THSD7A: variants seen among roughly 807,000 people sequenced by gnomAD.
The protein encoded by THSD7A is thrombospondin type 1 domain containing 7A, also known as thrombospondin type-1 domain-containing protein 7A.
A neutral mutation model predicts 231.3 loss-of-function variants in THSD7A; 96 were observed. The ratio of observed to expected loss-of-function variants is 0.41; its 90% CI spans 0.35 to 0.49. The LOEUF is 0.49. THSD7A is among the 20% of genes least tolerant of loss of function. The pLI is 0.05. For synonymous variants in THSD7A, 940 were observed against 743.3 expected, an observed-to-expected ratio of 1.26 and a Z score of -4.30; for missense variants, 2,290 against 2,070.2, an observed-to-expected ratio of 1.11 and a Z score of -2.06.
intron 1 of THSD7A, among the ~76,000 whole-genome samples, chr7:11,772,461 T>A (rs976957124): frequency 6.6e-6 from 1 of 152,004 alleles, no homozygotes; most frequent in African/African-American, 2.4e-5. Flanking sequence ...AACAAAGACA[T>A]GGAATCAATC....
chr7:11,567,053 C>T (rs1790373378), intron 4 of THSD7A, among the ~76,000 whole-genome samples: 1 of 147,000 alleles, frequency 6.8e-6, no homozygotes, highest in Non-Finnish European at 1.5e-5. Flanking sequence ...TTAAGTATCT[C>T]CCTCCAGTCC....
Position 11,650,295 on chromosome 7 carries a change from C to T in THSD7A, c.191-13334G>A, listed in dbSNP as rs117898353. ...TTGAACAGGAATATAATGTGGACAA[C>T]GTCTCCTGCATCTTCTGAATCTTTG... On this transcript the variant is annotated intron_variant, in intron 1 of 27. Transcript: ENST00000423059. Among the ~76,000 whole-genome samples the T allele has an allele frequency of 4.7e-3, 708 of 152,096 alleles. 5 individuals are homozygous for T. The highest frequency in any genetic ancestry group is 0.027 in the Middle Eastern group (8 of 294).
chr7:11,533,030 A>C (rs1788767741), intron 6 of THSD7A, among the ~76,000 whole-genome samples: 1 of 152,176 alleles, frequency 6.6e-6, no homozygotes, highest in South Asian at 2.1e-4. Context: ...CTCCCACAGC[A>C]GACTCACATG....
At chr7:11,647,317 C>T (rs1360615590) in intron 1 of THSD7A, among the ~76,000 whole-genome samples, 1 of 151,992 alleles carries the variant, frequency 6.6e-6, no homozygotes, top group African/African-American at 2.4e-5. Flanking sequence ...TGAAGTGACT[C>T]AGGGGAACGA....
rs73292623 is a variant in THSD7A, at chr7:11,639,754, C to T, written c.191-2793G>A. ...ATGTTTTATTATAGAAATCTGAGTACACAAAATGTGAATTGACTTCAAGTC... is the reference window on the plus strand; with the variant it reads ...ATGTTTTATTATAGAAATCTGAGTATACAAAATGTGAATTGACTTCAAGTC... On this transcript the variant is annotated intron_variant, in intron 1 of 27. Coordinates refer to ENST00000423059, the MANE Select transcript of THSD7A (RefSeq NM_015204.3). Among the ~76,000 whole-genome samples, 152 of 152,212 alleles carry T rather than the reference C, an allele frequency of 1.0e-3. 1 individual carries two copies. Among genetic ancestry groups the T allele is most frequent in the African/African-American group, 3.5e-3 (145 of 41,554 alleles).
At chr7:11,762,575 A>G (rs919546728) in intron 1 of THSD7A, among the ~76,000 whole-genome samples, 1 of 152,042 alleles carries the variant, frequency 6.6e-6, no homozygotes, top group Non-Finnish European at 1.5e-5. Context: ...TTTTCAATAA[A>G]TCAGGTTATT....
intron 16 of THSD7A, 140 bp downstream of exon 16, chr7:11,424,556 T>G (rs1423919696): frequency 5.2e-6 from 6 of 1,151,602 alleles, no homozygotes; most frequent in Middle Eastern, 2.4e-4. Context: ...GAGTTTTCTA[T>G]GAGCACAGAT....
At chr7:11,731,481 A>G (rs929675529) in intron 1 of THSD7A, among the ~76,000 whole-genome samples, 1 of 151,668 alleles carries the variant, frequency 6.6e-6, no homozygotes, top group Non-Finnish European at 1.5e-5. Context: ...AATGTCTCAG[A>G]GTTACTAATA....
chr7:11,774,501 C>G (rs1225767539), intron 1 of THSD7A, among the ~76,000 whole-genome samples: 1 of 109,120 alleles, frequency 9.2e-6, no homozygotes, highest in South Asian at 2.6e-4. Flanking sequence ...CACACACACA[C>G]ACACACACAC....
At chr7:11,769,143 A>ATTTTTTTTTTTTT (rs1306458383) in intron 1 of THSD7A, among the ~76,000 whole-genome samples, 3 of 35,286 alleles carry the variant, frequency 8.5e-5, no homozygotes, top group African/African-American at 1.8e-4. Context: ...ATATATATAT[A>ATTTTTTTTTTTTT]TATATATATA....
At chr7:11,816,734 T>TAA (rs140727732) in intron 1 of THSD7A, among the ~76,000 whole-genome samples, 8 of 124,118 alleles carry the variant, frequency 6.4e-5, no homozygotes, top group Middle Eastern at 8.6e-3. Context: ...AATATTTTAG[T>TAA]GAAAAAAGTG....
intron 6 of THSD7A, among the ~76,000 whole-genome samples, chr7:11,486,864 C>T (rs1461827302): frequency 6.6e-6 from 1 of 152,050 alleles, no homozygotes; most frequent in Admixed American, 6.6e-5. Context: ...ACTAAATGAA[C>T]CATTGTCTAC....
intron 2 of THSD7A, 69 bp from the exon 3 acceptor site, chr7:11,593,571 A>C: frequency 1.9e-6 from 3 of 1,540,410 alleles, no homozygotes; most frequent in Non-Finnish European, 2.6e-6. Flanking sequence ...TCTACGCTCA[A>C]GAGTGAATCA....
chr7:11,535,951 T>C (rs1583925496), intron 6 of THSD7A, among the ~76,000 whole-genome samples: 1 of 152,170 alleles, frequency 6.6e-6, no homozygotes, highest in Non-Finnish European at 1.5e-5. Context: ...TTGTTTATCA[T>C]TAATAAATGA....
chr7:11,750,752 A>T (rs1782474300), intron 1 of THSD7A, among the ~76,000 whole-genome samples: 1 of 152,048 alleles, frequency 6.6e-6, no homozygotes, highest in African/African-American at 2.4e-5. Context: ...CAGTAAGACT[A>T]GTCTAACGGC....
intron 11 of THSD7A, among the ~76,000 whole-genome samples, chr7:11,449,462 G>A (rs1237682096): frequency 6.6e-6 from 1 of 151,984 alleles, no homozygotes; most frequent in African/African-American, 2.4e-5. Flanking sequence ...AAGGGTTCTG[G>A]CAAACACATA....
At chr7:11,663,228 G>A (rs1371264504) in intron 1 of THSD7A, among the ~76,000 whole-genome samples, 2 of 151,112 alleles carry the variant, frequency 1.3e-5, no homozygotes. Flanking sequence ...AAATAAGAGG[G>A]TATTATGACA....
chr7:11,483,394 TACTC>T (rs949076956), intron 6 of THSD7A, among the ~76,000 whole-genome samples: 4 of 152,218 alleles, frequency 2.6e-5, no homozygotes, highest in African/African-American at 7.2e-5. Context: ...TCATTAGACT[TACTC>T]ACTAGTAAGT....
intron 23 of THSD7A, chr7:11,385,576 A>G (rs1397452688): frequency 6.6e-6 from 1 of 151,654 alleles, no homozygotes; most frequent in African/African-American, 2.4e-5. Flanking sequence ...ACATTAAGAG[A>G]TTTTATTAAT....
Sources: gnomAD v4.1 joint callset for allele counts (sites outside exome capture counted in the v4.1 genomes callset) on GRCh38, gnomAD v4.1.1 for gene constraint, MANE v1.5 for transcripts, NCBI Gene and HGNC (gene_info 2026-07-23, HGNC 2026-07-21) for gene names.